ALDH3B2: variants seen among roughly 807,000 people sequenced by gnomAD.
The protein encoded by ALDH3B2 is aldehyde dehydrogenase family 3 member B2.
A neutral mutation model predicts 36.7 loss-of-function variants in ALDH3B2; 45 were observed. The ratio of observed to expected loss-of-function variants is 1.23; its 90% CI spans 0.97 to 1.57. The LOEUF (loss-of-function observed/expected upper bound fraction) is 1.57. ALDH3B2 is among the 40% of genes most tolerant of loss of function. The pLI is 0.00. For synonymous variants in ALDH3B2, 217 were observed against 226.5 expected (o/e 0.96, Z 0.38); for missense variants, 464 against 513.3 (o/e 0.90, Z 0.93).
chr11:67,669,096 T>C (rs892654587), intron 1 of ALDH3B2, among the ~76,000 whole-genome samples: 20 of 151,678 alleles, frequency 1.3e-4, no homozygotes, highest in Non-Finnish European at 1.3e-4. Flanking sequence ...TCCGTGTGTC[T>C]TTGTGTGTCT....
At chr11:67,676,362 G>C (rs1220356567), upstream of ALDH3B2, among the ~76,000 whole-genome samples, 2 of 151,882 alleles carry the variant, frequency 1.3e-5, no homozygotes, top group African/African-American at 4.8e-5. Flanking sequence ...ATGAGCATTG[G>C]GTCAAAAACA....
At chr11:67,679,668 A>G (rs1856334728), upstream of ALDH3B2, among the ~76,000 whole-genome samples, 1 of 151,848 alleles carries the variant, frequency 6.6e-6, no homozygotes, top group African/African-American at 2.4e-5. Flanking sequence ...AGTCCCAGCT[A>G]CTTGGGAAGC....
chr11:67,664,910 G>A (rs529651834), intron 7 of ALDH3B2, among the ~76,000 whole-genome samples: 2 of 152,316 alleles, frequency 1.3e-5, no homozygotes, highest in East Asian at 1.9e-4. Context: ...TGAGTCATAC[G>A]GCCCAGGAGA....
exon 3 of ALDH3B2, chr11:67,666,972 G>C: frequency 6.2e-7 from 1 of 1,613,312 alleles, no homozygotes; most frequent in Non-Finnish European, 8.5e-7. Context: ...AGTCAACCTC[G>C]TTCTGGCAAA....
chr11:67,669,916 G>C lies in ALDH3B2; in HGVS notation c.-244-2281C>G, dbSNP rs538948257. The stretch of plus-strand genomic sequence containing the variant: ...TGGGTGTGTGTGTCCACGTGTGTCT[G>C]TGTGTGTATGGGTGTCTGCGTATGG... On this transcript the variant is annotated intron_variant, in intron 1 of 9. Transcript: ENST00000349015. 2.7e-3 allele frequency among the ~76,000 whole-genome samples: 369 copies of C among 137,836 alleles called. 4 individuals carry two copies. Among genetic ancestry groups the C allele is most frequent in the African/African-American group, 9.9e-3 (352 of 35,652 alleles). The allele number at this position is 137,836 out of a possible 152,430, so 90.4% of individuals were successfully genotyped here. A position where few individuals can be genotyped will look rare whatever the true frequency, so the allele number is the denominator to read the frequency against.
intron 6 of ALDH3B2, among the ~76,000 whole-genome samples, 180 bp from the exon 7 acceptor site, chr11:67,665,851 C>G (rs374342797): frequency 6.6e-6 from 1 of 152,132 alleles, no homozygotes; most frequent in Non-Finnish European, 1.5e-5. Flanking sequence ...GACTCTTGCC[C>G]GCTTTCTTCA....
rs57997475 is a variant in ALDH3B2, at chr11:67,672,042, CATATATATATATATATATAT to C, written c.-245+2375_-245+2394del. Reference sequence around the variant, plus strand: ...CTTTCTGGATGGAACCGATGTACTTCATATATATATATATATATATATATATATATATATATATATATATA... The same window carrying C: ...CTTTCTGGATGGAACCGATGTACTTCATATATATATATATATATATATATA... On this transcript the variant is annotated intron_variant, in intron 1 of 9. Coordinates refer to ENST00000349015, the Ensembl canonical transcript of ALDH3B2. Among the ~76,000 whole-genome samples, 79 of 49,496 alleles carry C rather than the reference CATATATATATATATATATAT, an allele frequency of 1.6e-3. 1 individual carries two copies. The highest frequency in any genetic ancestry group is 3.8e-3 in the South Asian group (4 of 1,052). The allele number at this position is 49,496 out of a possible 152,430, so 32.5% of individuals were successfully genotyped here. A position where few individuals can be genotyped will look rare whatever the true frequency, so the allele number is the denominator to read the frequency against.
intron 5 of ALDH3B2, 24 bp from the exon 6 acceptor site, chr11:67,666,227 G>A (rs755622926): frequency 1.3e-5 from 20 of 1,512,212 alleles, no homozygotes; most frequent in Admixed American, 4.1e-5. Context: ...TGAGAGGCTC[G>A]GGGCGGGCTC....
chr11:67,673,825 C>T (rs1856201059), intron 1 of ALDH3B2: 1 of 151,620 alleles, frequency 6.6e-6, no homozygotes, highest in African/African-American at 2.4e-5. Context: ...CCCCCCAGCC[C>T]CTCTCCTCAC....
At chr11:67,674,888 G>C (rs1856231319), upstream of ALDH3B2, among the ~76,000 whole-genome samples, 1 of 152,176 alleles carries the variant, frequency 6.6e-6, no homozygotes. Flanking sequence ...CCCAGGGGAA[G>C]GTCACAGGAT....
intron 9 of ALDH3B2, 73 bp from the exon 10 acceptor site, chr11:67,663,472 G>A: frequency 3.9e-6 from 6 of 1,533,114 alleles, no homozygotes; most frequent in African/African-American, 1.4e-5. Context: ...CACTGCCCCG[G>A]CCAGGGCACA....
At chr11:67,666,493 A>G (rs1855917471) in intron 4 of ALDH3B2, 81 bp downstream of exon 4, 26 of 1,603,866 alleles carry the variant, frequency 1.6e-5, no homozygotes, top group Non-Finnish European at 2.2e-5. Context: ...GGCCCAGGGT[A>G]CCTCAGAGCA....
rs1014586969 is a variant in ALDH3B2, at chr11:67,664,090, G to C, written c.873+306C>G. 6.0e-5 allele frequency: 34 copies of C among 562,420 alleles called. No homozygotes were observed. The East Asian group carries it at 1.0e-3, about 17-fold the overall frequency. 34.8% of individuals were successfully genotyped at this position (562,420 alleles called of 1,614,324 possible). A position where few individuals can be genotyped will look rare whatever the true frequency, so the allele number is the denominator to read the frequency against. On this transcript the variant is annotated intron_variant, in intron 8 of 9. Transcript: ENST00000349015. ...ACCCGCTGGGCTCTATCAGGCCCCT[G>C]CTCTGCTCTGTCCCTGACCTCCATT...
upstream of ALDH3B2, among the ~76,000 whole-genome samples, chr11:67,678,426 A>G (rs1043080836): frequency 6.6e-6 from 1 of 152,104 alleles, no homozygotes; most frequent in Admixed American, 6.6e-5. Flanking sequence ...CATGTAGGAG[A>G]ATGCAACTGG....
At chr11:67,663,910 G>C (rs878869511) in intron 8 of ALDH3B2, 149 bp from the exon 9 acceptor site, 1 of 657,960 alleles carries the variant, frequency 1.5e-6, no homozygotes, top group Admixed American at 3.1e-5. Context: ...ATCTTCTGGG[G>C]ACAGCACCCT....
In ALDH3B2 at chr11:67,664,385, C is replaced by T. The variant is rs772444335; in HGVS notation, c.873+11G>A. ...GCCCCTCCATTGCCCCCAACCCGGC[C>T]GCACCCCCACCTGGCTGCTGTTGGA... On this transcript the variant is annotated intron_variant, in intron 8 of 9. Transcript: ENST00000349015. 10 of 1,613,904 alleles carry T rather than the reference C, an allele frequency of 6.2e-6. No individual in the cohort carries two copies. In the Admixed American group the frequency reaches 6.7e-5, roughly 11 times the overall value.
At chr11:67,670,807 C>T (rs1349886241) in intron 1 of ALDH3B2, among the ~76,000 whole-genome samples, 1 of 151,914 alleles carries the variant, frequency 6.6e-6, no homozygotes, top group African/African-American at 2.4e-5. Flanking sequence ...CAGTGTGCGG[C>T]CCCCCTGCAT....
exon 10 of ALDH3B2, chr11:67,663,371 G>A (rs754426691): frequency 1.1e-5 from 17 of 1,613,418 alleles, no homozygotes; most frequent in South Asian, 2.2e-5. Flanking sequence ...AGGTGAACTT[G>A]CCGTGGTACC....
Position 67,662,730 on chromosome 11 carries a change from C to T in ALDH3B2, c.*485G>A, listed in dbSNP as rs76701157. 5.6e-3 allele frequency: 1,039 copies of T among 183,918 alleles called. 12 individuals carry two copies. Among genetic ancestry groups the T allele is most frequent in the African/African-American group, 0.023 (963 of 41,910 alleles). 11.4% of individuals were successfully genotyped at this position (183,918 alleles called of 1,614,324 possible). ...TGAACCAGAGGGGTGGTGCAGAGAC[C>T]AGTGTGGGATGTGAGAGGATCCCTG... On this transcript the variant is annotated 3_prime_UTR_variant, in exon 10 of 10. Transcript: ENST00000349015.
Sources: gnomAD v4.1 joint callset for allele counts (sites outside exome capture counted in the v4.1 genomes callset) on GRCh38, gnomAD v4.1.1 for gene constraint, MANE v1.5 for transcripts, NCBI Gene and HGNC (gene_info 2026-07-23, HGNC 2026-07-21) for gene names.